ARMC9: variants seen among roughly 807,000 people sequenced by gnomAD.
The protein encoded by ARMC9 is lisH domain-containing protein ARMC9.
In ARMC9, 94 loss-of-function variants were observed where a neutral mutation model predicts 107.0. The ratio of observed to expected loss-of-function variants is 0.88; its 90% CI spans 0.74 to 1.04. The LOEUF is 1.04. Among genes scored for constraint, ARMC9 ranks in the 50% least tolerant of loss-of-function variants. The pLI, the probability that ARMC9 is intolerant of heterozygous loss-of-function variation, is 0.00. For synonymous variants in ARMC9, 380 were observed against 396.9 expected (o/e 0.96, Z 0.51); for missense variants, 942 against 1,030.1 (o/e 0.91, Z 1.17).
At chr2:231,283,191 C>T (rs761330494) in intron 17 of ARMC9, among the ~76,000 whole-genome samples, 1 of 152,110 alleles carries the variant, frequency 6.6e-6, no homozygotes, top group Non-Finnish European at 1.5e-5. Flanking sequence ...GGACAACTTC[C>T]GAAACCTATG....
intron 12 of ARMC9, among the ~76,000 whole-genome samples, chr2:231,265,351 C>T (rs1464386021): frequency 2.6e-5 from 4 of 152,132 alleles, no homozygotes; most frequent in African/African-American, 9.7e-5. Flanking sequence ...AACCTAAGTG[C>T]CCATCAACCA....
intron 19 of ARMC9, among the ~76,000 whole-genome samples, chr2:231,324,389 G>A (rs2043192001): frequency 1.3e-5 from 2 of 150,000 alleles, no homozygotes; most frequent in African/African-American, 2.5e-5. Context: ...GCCTCCCAAA[G>A]TGCTGGGATT....
intron 23 of ARMC9, 131 bp downstream of exon 23, chr2:231,361,014 AG>A: frequency 7.4e-7 from 1 of 1,358,032 alleles, no homozygotes; most frequent in Non-Finnish European, 9.7e-7. Context: ...GGGGAGGCTA[AG>A]GAGCAGTGTC....
intron 13 of ARMC9, among the ~76,000 whole-genome samples, chr2:231,272,300 C>T (rs1332907569): frequency 6.7e-6 from 1 of 149,226 alleles, no homozygotes; most frequent in Non-Finnish European, 1.5e-5. Flanking sequence ...AAGGAATACT[C>T]CTCGCGCCTC....
At chr2:231,319,655 A>G (rs777260489) in intron 19 of ARMC9, among the ~76,000 whole-genome samples, 2 of 151,658 alleles carry the variant, frequency 1.3e-5, no homozygotes, top group Non-Finnish European at 2.9e-5. Flanking sequence ...AGTCACTTTC[A>G]TCTTCCCCTT....
intron 5 of ARMC9, among the ~76,000 whole-genome samples, chr2:231,221,073 C>T (rs1043635422): frequency 7.2e-5 from 11 of 152,208 alleles, no homozygotes; most frequent in Non-Finnish European, 1.3e-4. Flanking sequence ...CTTAAGACAG[C>T]AGGCATTCGT....
intron 20 of ARMC9, among the ~76,000 whole-genome samples, chr2:231,335,841 C>T (rs923861111): frequency 6.6e-6 from 1 of 152,052 alleles, no homozygotes; most frequent in African/African-American, 2.4e-5. Context: ...CTTTGAGAGA[C>T]GAGGTGGGAG....
intron 3 of ARMC9, among the ~76,000 whole-genome samples, chr2:231,213,805 G>T (rs1574610326): frequency 6.6e-6 from 1 of 152,162 alleles, no homozygotes; most frequent in African/African-American, 2.4e-5. Flanking sequence ...AAGAACAATG[G>T]CCAATAATGG....
chr2:231,256,717 A>G, intron 10 of ARMC9, 97 bp downstream of exon 10: 2 of 1,318,544 alleles, frequency 1.5e-6, no homozygotes, highest in Non-Finnish European at 2.2e-6. Context: ...AGCCTAGGTT[A>G]GAGGAATGCC....
intron 3 of ARMC9, among the ~76,000 whole-genome samples, chr2:231,213,256 A>G (rs2033111509): frequency 6.7e-6 from 1 of 149,996 alleles, no homozygotes; most frequent in Admixed American, 6.7e-5. Flanking sequence ...CTCTACCTCC[A>G]AGGCTCAGAT....
At chr2:231,328,819 CT>C (rs781598910) in intron 19 of ARMC9, among the ~76,000 whole-genome samples, 3,575 of 115,212 alleles carry the variant, frequency 0.031, 253 homozygotes, top group African/African-American at 0.1. Flanking sequence ...CTTTTCTTTT[CT>C]TTTTTTTTTT....
At chr2:231,359,594 C>T (rs530133810) in intron 22 of ARMC9, among the ~76,000 whole-genome samples, 8 of 152,300 alleles carry the variant, frequency 5.3e-5, no homozygotes, top group South Asian at 2.1e-4. Flanking sequence ...ACTTGCCTGG[C>T]GTGGGCACAG....
At chr2:231,339,087 T>C (rs2044321083) in intron 20 of ARMC9, among the ~76,000 whole-genome samples, 1 of 152,188 alleles carries the variant, frequency 6.6e-6, no homozygotes, top group South Asian at 2.1e-4. Context: ...CCCAGCACTT[T>C]GGGAGGCCAA....
At chr2:231,283,131 A>G (rs2040338691) in intron 17 of ARMC9, among the ~76,000 whole-genome samples, 1 of 152,162 alleles carries the variant, frequency 6.6e-6, no homozygotes, top group East Asian at 1.9e-4. Flanking sequence ...TTGTGAGAGC[A>G]GGACTGCCCT....
chr2:231,277,158 C>T (rs2039831719), intron 15 of ARMC9, among the ~76,000 whole-genome samples: 1 of 152,190 alleles, frequency 6.6e-6, no homozygotes, highest in African/African-American at 2.4e-5. Context: ...AACCACACTT[C>T]CTGCCCTGAA....
intron 10 of ARMC9, 96 bp from the exon 11 acceptor site, chr2:231,258,895 C>T (rs1041841584): frequency 1.6e-5 from 19 of 1,154,240 alleles, no homozygotes; most frequent in African/African-American, 1.1e-4. Flanking sequence ...CCCATGGGAA[C>T]AGCAGGCTCT....
At chr2:231,235,491 A>G in intron 8 of ARMC9, 110 bp downstream of exon 8, 3 of 1,307,508 alleles carry the variant, frequency 2.3e-6, no homozygotes, top group Non-Finnish European at 3.1e-6. Context: ...ATTCCAAGCC[A>G]GTGGCGCCTG....
intron 12 of ARMC9, among the ~76,000 whole-genome samples, chr2:231,263,652 A>C (rs115598628): frequency 6.6e-6 from 1 of 152,354 alleles, no homozygotes; most frequent in Non-Finnish European, 1.5e-5. Context: ...TGAGTTACAC[A>C]TTCATCTGTT....
intron 7 of ARMC9, among the ~76,000 whole-genome samples, chr2:231,233,353 C>T (rs1321345546): frequency 6.6e-6 from 1 of 152,164 alleles, no homozygotes; most frequent in Non-Finnish European, 1.5e-5. Flanking sequence ...ATTCAGACCC[C>T]ACTCAGTGTC....
Sources: allele counts gnomAD v4.1 joint callset (sites outside exome capture counted in the v4.1 genomes callset), GRCh38; gene constraint gnomAD v4.1.1; transcripts MANE v1.5; gene names NCBI Gene and HGNC (gene_info 2026-07-23, HGNC 2026-07-21).